Variants in SV2B observed in about 807,000 individuals in gnomAD.
SV2B encodes the protein solute carrier family 22 member B2.
SV2B carries 41 observed loss-of-function variants against 73.9 expected under a neutral mutation model. That is an observed-to-expected ratio of 0.56 (90% CI 0.43 to 0.72). The LOEUF (loss-of-function observed/expected upper bound fraction) is 0.72. SV2B is among the 30% of genes least tolerant of loss of function. The probability of loss-of-function intolerance (pLI) is 0.00; values close to 1 mark genes in which losing one functional copy is unlikely to be tolerated. For synonymous variants in SV2B, 314 were observed against 314.2 expected, an observed-to-expected ratio of 1.00 and a Z score of 0.01; for missense variants, 764 against 857.8, an observed-to-expected ratio of 0.89 and a Z score of 1.37.
chr15:91,198,175 G>T (rs186163650), intron 1 of SV2B, among the ~76,000 whole-genome samples: 20 of 152,302 alleles, frequency 1.3e-4, no homozygotes, highest in African/African-American at 4.6e-4. Context: ...TTTATCTGTA[G>T]TGTTTCCTTT....
Position 91,283,773 on chromosome 15 carries a change from T to A in SV2B, c.1508-248T>A, listed in dbSNP as rs1314721716. Reference sequence around the variant, plus strand: ...CTGGCTGAGAGGATGCATTTTGAAGTCTCTCAATGTTAGTTTAATTTCCCC... The same window carrying A: ...CTGGCTGAGAGGATGCATTTTGAAGACTCTCAATGTTAGTTTAATTTCCCC... On this transcript the variant is annotated intron_variant, in intron 10 of 12. Transcript: ENST00000394232. The surrounding 1 kb of genome is among the most constrained non-coding windows in gnomAD (Gnocchi z 4.3). Among the ~76,000 whole-genome samples, 15 of 151,898 alleles carry A rather than the reference T, an allele frequency of 9.9e-5. No individual in the cohort carries two copies. Among genetic ancestry groups the A allele is most frequent in the Admixed American group, 9.8e-4 (15 of 15,264 alleles).
intron 1 of SV2B, among the ~76,000 whole-genome samples, chr15:91,173,598 A>G (rs1453459401): frequency 6.6e-6 from 1 of 152,056 alleles, no homozygotes; most frequent in African/African-American, 2.4e-5. Flanking sequence ...TTTGCCTTCA[A>G]CCCATGCAAA....
intron 1 of SV2B, among the ~76,000 whole-genome samples, chr15:91,146,954 A>T (rs1363248788): frequency 6.6e-6 from 1 of 152,104 alleles, no homozygotes; most frequent in East Asian, 1.9e-4. Flanking sequence ...ATCAAGAGTG[A>T]CTCATGCAAT....
intron 9 of SV2B, among the ~76,000 whole-genome samples, chr15:91,278,429 G>A (rs1028197037): frequency 6.6e-6 from 1 of 152,010 alleles, no homozygotes; most frequent in Non-Finnish European, 1.5e-5. Context: ...TGTAATCCCA[G>A]CACTTTGGGA....
At chr15:91,107,997 G>GGTGGT in intron 1 of SV2B, among the ~76,000 whole-genome samples, 1 of 152,238 alleles carries the variant, frequency 6.6e-6, no homozygotes, top group South Asian at 2.1e-4. Flanking sequence ...AGGTGATGAT[G>GGTGGT]GTGGTGTGGT....
At chr15:91,104,019 T>A (rs2041810689) in intron 1 of SV2B, among the ~76,000 whole-genome samples, 1 of 152,116 alleles carries the variant, frequency 6.6e-6, no homozygotes, top group African/African-American at 2.4e-5. Flanking sequence ...AAGGAGAAGA[T>A]CTCCTGAAGC....
At chr15:91,143,511 A>C (rs1453602235) in intron 1 of SV2B, among the ~76,000 whole-genome samples, 1 of 152,132 alleles carries the variant, frequency 6.6e-6, no homozygotes, top group Non-Finnish European at 1.5e-5. Context: ...CAGTGTATTG[A>C]CTTTGCAAAC....
Position 91,223,403 on chromosome 15 carries a change from A to T in SV2B, c.-391-2470A>T, listed in dbSNP as rs1293207621. Among the ~76,000 whole-genome samples the T allele has an allele frequency of 6.6e-6, 1 of 152,234 alleles. No individual in the cohort carries two copies. The highest frequency in any genetic ancestry group is 1.5e-5 in the Non-Finnish European group (1 of 68,040). On this transcript the variant is annotated intron_variant, in intron 1 of 12. Transcript: ENST00000394232. This position sits in a 1 kb window ranked among gnomAD's most constrained non-coding sequence, Gnocchi z 4.6. ...TCCCCTTTACTCCACTGCACTTGAC[A>T]TTCACAGCAGGTCTTTTAACTGAAT...
intron 9 of SV2B, among the ~76,000 whole-genome samples, chr15:91,276,984 C>A (rs2048515585): frequency 6.6e-6 from 1 of 152,000 alleles, no homozygotes; most frequent in Admixed American, 6.6e-5. Context: ...CCACACCTGG[C>A]TAATTTTTTG....
chr15:91,233,264 C>A (rs2046652798), intron 2 of SV2B, among the ~76,000 whole-genome samples: 1 of 152,112 alleles, frequency 6.6e-6, no homozygotes, highest in South Asian at 2.1e-4. Context: ...AGGCAAGAAT[C>A]TGGGTGACCG....
chr15:91,108,075 T>C (rs879795319), intron 1 of SV2B, among the ~76,000 whole-genome samples: 4 of 152,188 alleles, frequency 2.6e-5, no homozygotes, highest in Non-Finnish European at 4.4e-5. Context: ...TTCATGCTCC[T>C]GGACTTGGAA....
chr15:91,122,113 G>A lies in SV2B; in HGVS notation c.-392+21750G>A, dbSNP rs1487809745. Reference sequence around the variant, plus strand: ...AAGTAATGCTTGCCTGTTGACTCCAGGAGTCTGACGCCAAAGACTGAACTC... The same window carrying A: ...AAGTAATGCTTGCCTGTTGACTCCAAGAGTCTGACGCCAAAGACTGAACTC... On this transcript the variant is annotated intron_variant, in intron 1 of 12. Coordinates refer to ENST00000394232, the MANE Select transcript of SV2B (RefSeq NM_001323032.3). This position sits in a 1 kb window ranked among gnomAD's most constrained non-coding sequence, Gnocchi z 4.3. Among the ~76,000 whole-genome samples the A allele has an allele frequency of 2.6e-5, 4 of 152,130 alleles. No individual in the cohort carries two copies. Among genetic ancestry groups the A allele is most frequent in the Admixed American group, 6.5e-5 (1 of 15,272 alleles).
intron 1 of SV2B, among the ~76,000 whole-genome samples, chr15:91,166,808 G>C (rs12899732): frequency 0.73 from 108,379 of 149,338 alleles, 39,824 homozygotes; most frequent in African/African-American, 0.83. Context: ...TTTTTCTTTT[G>C]TTTTCTTTTC....
chr15:91,278,714 A>G (rs1274389414), intron 9 of SV2B, among the ~76,000 whole-genome samples: 1 of 150,208 alleles, frequency 6.7e-6, no homozygotes, highest in Non-Finnish European at 1.5e-5. Flanking sequence ...TTACACAGAT[A>G]TTCAGGCAAG....
intron 1 of SV2B, among the ~76,000 whole-genome samples, chr15:91,218,864 G>A (rs915844660): frequency 6.6e-6 from 1 of 152,182 alleles, no homozygotes; most frequent in African/African-American, 2.4e-5. Context: ...GAGGATACTG[G>A]TATCTGGTAT....
At chr15:91,166,963 G>A (rs1481505979) in intron 1 of SV2B, among the ~76,000 whole-genome samples, 1 of 151,948 alleles carries the variant, frequency 6.6e-6, no homozygotes, top group African/African-American at 2.4e-5. Flanking sequence ...ACAGGTGCCT[G>A]CCACCATGCC....
intron 11 of SV2B, among the ~76,000 whole-genome samples, chr15:91,285,472 T>C (rs2048829713): frequency 6.6e-6 from 1 of 152,208 alleles, no homozygotes; most frequent in Non-Finnish European, 1.5e-5. Context: ...GAAGATGGCC[T>C]CTTTCCTAGG....
At chr15:91,149,505 C>T (rs1173478443) in intron 1 of SV2B, among the ~76,000 whole-genome samples, 3 of 152,198 alleles carry the variant, frequency 2.0e-5, no homozygotes, top group Non-Finnish European at 2.9e-5. Flanking sequence ...TCTGTGGGCA[C>T]AACCTACCAA....
upstream of SV2B, among the ~76,000 whole-genome samples, chr15:91,099,722 C>A (rs1169977554): frequency 6.6e-6 from 1 of 152,174 alleles, no homozygotes. Flanking sequence ...ATGAGGCAAA[C>A]GAGAACAAAG....
Sources: allele counts gnomAD v4.1 joint callset (sites outside exome capture counted in the v4.1 genomes callset), GRCh38; gene constraint gnomAD v4.1.1; non-coding constraint Gnocchi (gnomAD v3.1); transcripts MANE v1.5; gene names NCBI Gene and HGNC (gene_info 2026-07-23, HGNC 2026-07-21).